The following IKZF1 variants were observed in gnomAD, a reference collection of about 807,000 sequenced individuals.
IKZF1 encodes the protein IKAROS family zinc finger 1, also known as DNA-binding protein Ikaros.
In IKZF1, 10 loss-of-function variants were observed where a neutral mutation model predicts 51.7. The observed-to-expected ratio is 0.19, with a 90% CI of 0.12 to 0.33. IKZF1 has a LOEUF of 0.33. IKZF1 is among the 10% of genes least tolerant of loss of function. The pLI, the probability that IKZF1 is intolerant of heterozygous loss-of-function variation, is 1.00. For synonymous variants in IKZF1, 280 were observed against 282.3 expected (o/e 0.99, Z 0.08); for missense variants, 484 against 707.5 (o/e 0.68, Z 3.58).
chr7:50,310,099 A>G (rs917699292), intron 1 of IKZF1, among the ~76,000 whole-genome samples: 6 of 152,202 alleles, frequency 3.9e-5, no homozygotes, highest in Admixed American at 6.5e-5. Context: ...AATTAAAACC[A>G]TACTGCTAAT....
At chr7:50,324,824 C>A (rs115627079) in intron 2 of IKZF1, among the ~76,000 whole-genome samples, 39 of 152,234 alleles carry the variant, frequency 2.6e-4, no homozygotes, top group African/African-American at 8.9e-4. Context: ...GCGGAAAGTA[C>A]GACATTTCTT....
chr7:50,399,880 G>T lies in IKZF1; in HGVS notation c.851-38G>T, dbSNP rs755990021. ...CTGCCAGACCTGACCGGTTCCGGAG[G>T]TGGCCGCGCCCCACTCACTGTCGCC... is the stretch of plus-strand genomic sequence containing the variant. On this transcript the variant is annotated intron_variant, in intron 7 of 7. Coordinates refer to ENST00000331340, the MANE Select transcript of IKZF1 (RefSeq NM_006060.6). The T allele has an allele frequency of 1.9e-6, 3 of 1,577,402 alleles. No homozygotes were observed. The East Asian group carries it at 6.9e-5, about 36-fold the overall frequency.
chr7:50,305,412 T>C (rs1017170045), intron 1 of IKZF1, among the ~76,000 whole-genome samples: 1 of 152,238 alleles, frequency 6.6e-6, no homozygotes, highest in Non-Finnish European at 1.5e-5. Context: ...CCAAACCTTC[T>C]CAGGAAAACC....
intron 7 of IKZF1, chr7:50,394,483 G>A (rs1368794471): frequency 4.3e-6 from 1 of 233,390 alleles, no homozygotes; most frequent in Non-Finnish European, 8.5e-6. Context: ...TCAGTTGAGA[G>A]AGCCCCATCC....
intron 3 of IKZF1, among the ~76,000 whole-genome samples, chr7:50,337,403 G>A (rs999464847): frequency 3.9e-4 from 60 of 152,224 alleles, no homozygotes; most frequent in African/African-American, 1.4e-3. Context: ...TCCTCTTGGC[G>A]CTCTTCTCCC....
At chr7:50,358,893 C>T (rs746057190) in intron 3 of IKZF1, among the ~76,000 whole-genome samples, 2 of 151,698 alleles carry the variant, frequency 1.3e-5, no homozygotes, top group Non-Finnish European at 2.9e-5. Flanking sequence ...TTACATGAAA[C>T]GTTAAACGGC....
chr7:50,314,015 C>T (rs1790843762), intron 1 of IKZF1, among the ~76,000 whole-genome samples: 2 of 152,206 alleles, frequency 1.3e-5, no homozygotes, highest in South Asian at 2.1e-4. Context: ...GACAAAGAAT[C>T]CCCCTTAGAG....
intron 4 of IKZF1, 32 bp from the exon 5 acceptor site, chr7:50,382,508 A>T (rs1039587539): frequency 6.3e-7 from 1 of 1,597,058 alleles, no homozygotes; most frequent in Non-Finnish European, 8.6e-7. Context: ...CGCTGAGTTT[A>T]GTTCTCACCA....
chr7:50,377,783 T>C (rs1018792554), intron 4 of IKZF1, among the ~76,000 whole-genome samples: 2 of 152,130 alleles, frequency 1.3e-5, no homozygotes, highest in Non-Finnish European at 2.9e-5. Flanking sequence ...TAAAGTTGGG[T>C]AAAACACAAT....
At position 50,376,536 on chromosome 7, in the gene IKZF1, G is replaced by A. The variant is rs2153468521; in HGVS notation, c.164G>A (p.Ser55Asn). The change falls in exon 4 of 8, where the codon AGT (serine) becomes AAT (asparagine). Residue 55 changes from serine to asparagine, a missense_variant. Ser to Asn is a conservative substitution (Grantham distance 46). Transcript: ENST00000331340. The surrounding 1 kb of genome is among the most constrained non-coding windows in gnomAD (Gnocchi z 4.5). ...CCTCCTGTATTGTTTCTTTCAGCCA[G>A]TAATGTTAAAGTAGAGACTCAGAGT... ...QSSKSDRVVASNVKVETQSDE... is the reference protein window; with the variant it reads ...QSSKSDRVVANNVKVETQSDE... 1 of 1,613,562 alleles carries A rather than the reference G, an allele frequency of 6.2e-7. No individual in the cohort carries two copies.
chr7:50,369,358 G>T, intron 3 of IKZF1: 1 of 394,404 alleles, frequency 2.5e-6, no homozygotes. Flanking sequence ...CTTCAGTGAA[G>T]CCTTCAGTCT....
At position 50,403,645 on chromosome 7, in the gene IKZF1, C is replaced by G. The variant is rs1818510702; in HGVS notation, c.*3018C>G. On this transcript the variant is annotated 3_prime_UTR_variant, in exon 8 of 8. Transcript: ENST00000331340. ...GAGTCACTAAAACTCATCACATTAT[C>G]ATTGCATATCAGCAAAGGGTAAAGT... 4.4e-6 allele frequency: 1 copy of G among 228,214 alleles called. No individual in the cohort carries two copies. Among genetic ancestry groups the G allele is most frequent in the African/African-American group, 2.2e-5 (1 of 45,148 alleles). The allele number at this position is 228,214 out of a possible 1,614,324, so 14.1% of individuals were successfully genotyped here. A position where few individuals can be genotyped will look rare whatever the true frequency, so the allele number is the denominator to read the frequency against.
intron 3 of IKZF1, chr7:50,367,855 G>A (rs1807418785): frequency 3.3e-6 from 2 of 597,780 alleles, no homozygotes; most frequent in Non-Finnish European, 5.9e-6. Context: ...GTTGCCTATA[G>A]AAGGGCCAGC....
intron 3 of IKZF1, among the ~76,000 whole-genome samples, chr7:50,348,949 A>G (rs1343950867): frequency 3.3e-5 from 5 of 152,188 alleles, no homozygotes; most frequent in Non-Finnish European, 7.4e-5. Flanking sequence ...TCCCTGGCAC[A>G]GGTCCAGTCT....
rs1196934622 is a variant in IKZF1 at position 50,400,174 on chromosome 7, C to G, written c.1107C>G (p.Ala369=). The G allele has an allele frequency of 2.6e-6, 4 of 1,565,812 alleles. No homozygotes were observed. In the Admixed American group the frequency reaches 5.7e-5, roughly 22 times the overall value. Residue 369 remains alanine, a synonymous_variant, in exon 8 of 8, where the codon GCC becomes GCG. Coordinates refer to ENST00000331340, the MANE Select transcript of IKZF1 (RefSeq NM_006060.6). The surrounding 1 kb of genome is among the most constrained non-coding windows in gnomAD (Gnocchi z 5.4). ...CCAACCACTCGGCCCAGGACAGCGC[C>G]GTGGAGAACCTGCTGCTGCTCTCCA... ...PRSNHSAQDS[A]VENLLLLSKA...
chr7:50,334,022 C>T (rs1158086118), intron 3 of IKZF1, among the ~76,000 whole-genome samples: 1 of 152,156 alleles, frequency 6.6e-6, no homozygotes, highest in African/African-American at 2.4e-5. Context: ...ATAAGAGAGG[C>T]CATCATGTAA....
Position 50,376,282 on chromosome 7 carries a change from G to A in IKZF1, c.161-251G>A, listed in dbSNP as rs187768390. Among the ~76,000 whole-genome samples, 203 of 152,196 alleles carry A rather than the reference G, an allele frequency of 1.3e-3. 2 individuals carry two copies. The highest frequency in any genetic ancestry group is 0.013 in the Admixed American group (194 of 15,288). ...CTTTCTAGTGCATTTTCAGATAATC[G>A]CCACTGGGCCTATGGATGGAGAGGG... On this transcript the variant is annotated intron_variant, in intron 3 of 7. Transcript: ENST00000331340. The surrounding 1 kb of genome is among the most constrained non-coding windows in gnomAD (Gnocchi z 4.5).
chr7:50,365,750 T>C (rs1806710601), intron 3 of IKZF1, among the ~76,000 whole-genome samples: 1 of 152,198 alleles, frequency 6.6e-6, no homozygotes, highest in Non-Finnish European at 1.5e-5. Context: ...TATATACCAT[T>C]TGACCCAGCA....
intron 3 of IKZF1, among the ~76,000 whole-genome samples, chr7:50,365,597 C>A (rs1034408211): frequency 2.6e-5 from 4 of 152,172 alleles, no homozygotes; most frequent in African/African-American, 9.7e-5. Flanking sequence ...CATCTCACAC[C>A]AGTCAGAATG....
Sources: allele counts gnomAD v4.1 joint callset (sites outside exome capture counted in the v4.1 genomes callset), GRCh38; gene constraint gnomAD v4.1.1; non-coding constraint Gnocchi (gnomAD v3.1); transcripts MANE v1.5; gene names NCBI Gene and HGNC (gene_info 2026-07-23, HGNC 2026-07-21).